MAOB: variants seen among roughly 807,000 people sequenced by gnomAD.
MAOB encodes the protein amine oxidase [flavin-containing] B.
Under a neutral mutation model 41.9 loss-of-function variants are expected in MAOB, and 15 were observed. The ratio of observed to expected loss-of-function variants is 0.36; its 90% CI spans 0.24 to 0.55. The LOEUF is 0.55. Ranked by LOEUF, MAOB falls within the 20% of genes least tolerant of loss-of-function variation. MAOB has a pLI of 0.86. For synonymous variants in MAOB, 167 were observed against 144.2 expected, an observed-to-expected ratio of 1.16 and a Z score of -1.13; for missense variants, 345 against 398.7, an observed-to-expected ratio of 0.87 and a Z score of 1.15.
Position 43,775,283 on chromosome X carries a change from G to C in MAOB, c.1138-11C>G. The stretch of plus-strand genomic sequence containing the variant: ...TTCATAATGCACTGGCTGCAAGATA[G>C]AGCAACAAAAACTTGAAGGAGACTC... On this transcript the variant is annotated splice_polypyrimidine_tract_variant and intron_variant, in intron 11 of 14. Transcript: ENST00000378069. 1 of 1,200,315 alleles carries C rather than the reference G, an allele frequency of 8.3e-7. No individual in the cohort carries two copies. Among genetic ancestry groups the C allele is most frequent in the East Asian group, 3.0e-5 (1 of 33,364 alleles).
intron 12 of MAOB, among the ~76,000 whole-genome samples, chrX:43,774,460 A>T (rs987086552): frequency 2.7e-5 from 3 of 111,770 alleles, no homozygotes; most frequent in African/African-American, 9.8e-5. Context: ...AAGGATTAGG[A>T]TCAAAAAATA....
intron 3 of MAOB, among the ~76,000 whole-genome samples, chrX:43,818,206 C>T (rs1470352569): frequency 8.9e-6 from 1 of 111,976 alleles, no homozygotes; most frequent in Non-Finnish European, 1.9e-5. Context: ...AATTTCATTC[C>T]TTTTTAGGGC....
intron 3 of MAOB, among the ~76,000 whole-genome samples, chrX:43,806,157 C>T (rs1030851903): frequency 2.7e-5 from 3 of 111,635 alleles, no homozygotes; most frequent in African/African-American, 3.3e-5. Flanking sequence ...ACCAGGATAT[C>T]GACACTGGTA....
chrX:43,792,805 C>T (rs764910121), intron 8 of MAOB, among the ~76,000 whole-genome samples: 4 of 111,584 alleles, frequency 3.6e-5, no homozygotes, highest in South Asian at 3.8e-4. Context: ...AACTATCATG[C>T]GACCCAGCAA....
At chrX:43,871,458 G>A (rs1223920999) in intron 1 of MAOB, among the ~76,000 whole-genome samples, 1 of 107,948 alleles carries the variant, frequency 9.3e-6, no homozygotes, top group Admixed American at 9.9e-5. Flanking sequence ...GGGCCTCTGA[G>A]GCCCTTGAGG....
chrX:43,851,025 C>A (rs200859127), intron 1 of MAOB, among the ~76,000 whole-genome samples: 10 of 112,023 alleles, frequency 8.9e-5, no homozygotes, highest in Middle Eastern at 4.7e-3. Context: ...TTTGTCTCTA[C>A]CCTTTGTTGT....
At chrX:43,831,944 C>A (rs9698576) in intron 3 of MAOB, among the ~76,000 whole-genome samples, 5,891 of 111,592 alleles carry the variant, frequency 0.053, 309 homozygotes, top group South Asian at 0.17. Context: ...ACCATATAAA[C>A]ATTTTTAATA....
chrX:43,843,357 T>TCACACA (rs61018201), intron 2 of MAOB, among the ~76,000 whole-genome samples: 40 of 83,733 alleles, frequency 4.8e-4, no homozygotes, highest in East Asian at 7.9e-4. Context: ...TCTCTCTGTC[T>TCACACA]CACACACACA....
chrX:43,824,575 C>T (rs2034921704), intron 3 of MAOB, among the ~76,000 whole-genome samples: 1 of 111,529 alleles, frequency 9.0e-6, no homozygotes. Context: ...CCTAGCTACT[C>T]AGGAGGCTGA....
At chrX:43,877,855 T>C (rs888134282) in intron 1 of MAOB, among the ~76,000 whole-genome samples, 9 of 112,625 alleles carry the variant, frequency 8.0e-5, no homozygotes, top group Admixed American at 2.8e-4. Flanking sequence ...TCTCTCCTGA[T>C]GCCCACATGT....
At chrX:43,836,376 G>A (rs2035071840) in intron 3 of MAOB, among the ~76,000 whole-genome samples, 1 of 112,409 alleles carries the variant, frequency 8.9e-6, no homozygotes, top group African/African-American at 3.2e-5. Context: ...TTAGCTATAA[G>A]GTCTTCGTCA....
intron 5 of MAOB, 47 bp from the exon 6 acceptor site, chrX:43,797,313 G>A (rs143928796): frequency 2.9e-6 from 3 of 1,021,786 alleles, no homozygotes; most frequent in Non-Finnish European, 3.9e-6. Context: ...CAGGAGAGCA[G>A]CTTCTTAATT....
At chrX:43,777,174 T>C (rs1160266867) in intron 11 of MAOB, among the ~76,000 whole-genome samples, 1 of 111,628 alleles carries the variant, frequency 9.0e-6, no homozygotes, top group Non-Finnish European at 1.9e-5. Flanking sequence ...AGAAATATCA[T>C]TTGACCCAGC....
intron 3 of MAOB, chrX:43,838,111 C>A: frequency 4.0e-6 from 1 of 252,515 alleles, no homozygotes; most frequent in Admixed American, 4.0e-5. Flanking sequence ...ATTTAAGAGC[C>A]TTCCCCCGCC....
At chrX:43,813,422 T>G (rs1481325640) in intron 3 of MAOB, among the ~76,000 whole-genome samples, 1 of 112,366 alleles carries the variant, frequency 8.9e-6, no homozygotes, top group Non-Finnish European at 1.9e-5. Context: ...GCTCACGTTC[T>G]TTCTTCTTAA....
At chrX:43,854,577 T>C (rs900216160) in intron 1 of MAOB, among the ~76,000 whole-genome samples, 16 of 111,460 alleles carry the variant, frequency 1.4e-4, no homozygotes, top group African/African-American at 4.9e-4. Context: ...GCTTAAAACC[T>C]AGATGACAGG....
At chrX:43,787,528 A>G (rs771738465) in intron 8 of MAOB, among the ~76,000 whole-genome samples, 85 of 112,516 alleles carry the variant, frequency 7.6e-4, no homozygotes, top group East Asian at 8.4e-4. Flanking sequence ...ATAGTGGAAG[A>G]AAATACTAGA....
At chrX:43,776,251 CA>C (rs1026886975) in intron 11 of MAOB, among the ~76,000 whole-genome samples, 2 of 112,441 alleles carry the variant, frequency 1.8e-5, no homozygotes, top group Admixed American at 9.4e-5. Context: ...GACACCAAAG[CA>C]AAAAGAAAAC....
At chrX:43,837,566 T>G (rs1218805805) in intron 3 of MAOB, among the ~76,000 whole-genome samples, 2 of 112,753 alleles carry the variant, frequency 1.8e-5, no homozygotes, top group Non-Finnish European at 3.7e-5. Context: ...TTTACCCACA[T>G]TATACCAAAT....
Sources: allele counts gnomAD v4.1 joint callset (sites outside exome capture counted in the v4.1 genomes callset), GRCh38; gene constraint gnomAD v4.1.1; transcripts MANE v1.5; gene names NCBI Gene and HGNC (gene_info 2026-07-23, HGNC 2026-07-21).